The following EIF2AK4 variants were observed in gnomAD, a reference collection of about 807,000 sequenced individuals.
EIF2AK4 encodes the protein eIF-2-alpha kinase GCN2.
EIF2AK4 carries 139 observed loss-of-function variants against 211.1 expected under a neutral mutation model. The observed-to-expected ratio is 0.66, with a 90% CI of 0.57 to 0.76. EIF2AK4 has a LOEUF of 0.76. Ranked by LOEUF, EIF2AK4 falls within the 30% of genes least tolerant of loss-of-function variation. EIF2AK4 has a pLI of 0.00. For missense variants in EIF2AK4, 1,664 were observed against 2,043.8 expected (o/e 0.81, Z 3.58); for synonymous variants, 710 against 751.3 (o/e 0.94, Z 0.90).
At chr15:40,028,931 G>T (rs1039669598) in intron 33 of EIF2AK4, among the ~76,000 whole-genome samples, 8 of 152,144 alleles carry the variant, frequency 5.3e-5, no homozygotes, top group South Asian at 2.1e-4. Flanking sequence ...TCTCTCAAAG[G>T]CTATAAATTA....
intron 35 of EIF2AK4, among the ~76,000 whole-genome samples, chr15:40,031,813 C>T (rs1398805130): frequency 6.6e-6 from 1 of 151,974 alleles, no homozygotes; most frequent in African/African-American, 2.4e-5. Flanking sequence ...ACAACCTCTG[C>T]CTCCCATGTT....
intron 27 of EIF2AK4, among the ~76,000 whole-genome samples, chr15:40,016,028 C>T (rs546715474): frequency 6.6e-6 from 1 of 152,306 alleles, no homozygotes; most frequent in South Asian, 2.1e-4. Context: ...CAGGAGAAGA[C>T]ATCTCAAGGT....
At chr15:40,014,205 G>A (rs2035275655) in intron 27 of EIF2AK4, among the ~76,000 whole-genome samples, 1 of 152,338 alleles carries the variant, frequency 6.6e-6, no homozygotes, top group African/African-American at 2.4e-5. Context: ...TGGCTTTGCA[G>A]GGTACAGCCT....
intron 16 of EIF2AK4, 96 bp from the exon 17 acceptor site, chr15:39,992,079 G>A: frequency 8.8e-7 from 1 of 1,134,368 alleles, no homozygotes; most frequent in Non-Finnish European, 1.3e-6. Context: ...TGATTTCCAT[G>A]TAATATTTCC....
intron 30 of EIF2AK4, among the ~76,000 whole-genome samples, chr15:40,019,534 C>T (rs570719920): frequency 4.6e-5 from 7 of 152,306 alleles, no homozygotes; most frequent in African/African-American, 1.7e-4. Context: ...TGAGCTCCAC[C>T]TCCTGTCAGA....
intron 4 of EIF2AK4, among the ~76,000 whole-genome samples, chr15:39,950,038 T>C (rs764145450): frequency 2.0e-5 from 3 of 152,022 alleles, no homozygotes; most frequent in Non-Finnish European, 4.4e-5. Flanking sequence ...TTTTTATTTG[T>C]TTTTTCTATT....
At chr15:40,017,501 C>CTATATATATATATATATA (rs202237104) in intron 29 of EIF2AK4, among the ~76,000 whole-genome samples, 6 of 26,102 alleles carry the variant, frequency 2.3e-4, no homozygotes, top group East Asian at 9.0e-4. Flanking sequence ...TACTCTGTTT[C>CTATATATATATATATATA]TATATATATA....
chr15:39,935,503 T>A lies in EIF2AK4; in HGVS notation c.144+1164T>A, dbSNP rs566932070. 5.1e-4 allele frequency among the ~76,000 whole-genome samples: 77 copies of A among 152,286 alleles called. No individual in the cohort carries two copies. Among genetic ancestry groups the A allele is most frequent in the Non-Finnish European group, 7.1e-4 (48 of 68,026 alleles). On this transcript the variant is annotated intron_variant, in intron 1 of 38. Coordinates refer to ENST00000263791, the MANE Select transcript of EIF2AK4 (RefSeq NM_001013703.4). ...TGCCACTACACCTGGTTAATTTTTT[T>A]AATTTTTTGTAGAGACAGAGTCTTG... is the stretch of plus-strand genomic sequence containing the variant.
intron 6 of EIF2AK4, among the ~76,000 whole-genome samples, chr15:39,956,990 T>A (rs1222115158): frequency 6.6e-6 from 1 of 152,206 alleles, no homozygotes; most frequent in Non-Finnish European, 1.5e-5. Context: ...ACTAAATTTT[T>A]AAAAAAATAC....
At chr15:39,989,755 C>G (rs2034917062) in intron 15 of EIF2AK4, among the ~76,000 whole-genome samples, 1 of 152,186 alleles carries the variant, frequency 6.6e-6, no homozygotes. Context: ...AAAGCAGTCT[C>G]ATGTAACAAG....
Position 39,943,424 on chromosome 15 carries a change from A to G in EIF2AK4, c.299A>G (p.Asn100Ser). Residue 100 changes from asparagine to serine, a missense_variant, in exon 3 of 39, where the codon AAT (asparagine) becomes AGT (serine). Transcript: ENST00000263791. ...IELKNAKGLS[N>S]ESVNLLKSRL... The stretch of plus-strand genomic sequence containing the variant: ...TTAAAAAATGCCAAAGGTCTATCAA[A>G]TGAAAGTGTCAATTTGTTAAAATCT... 1.3e-6 allele frequency: 2 copies of G among 1,582,710 alleles called. No individual in the cohort carries two copies. Among genetic ancestry groups the G allele is most frequent in the Non-Finnish European group, 1.7e-6 (2 of 1,169,448 alleles).
intron 31 of EIF2AK4, chr15:40,022,131 C>T (rs757089751): frequency 3.9e-4 from 66 of 168,234 alleles, no homozygotes; most frequent in Non-Finnish European, 7.1e-4. Context: ...CTGCTTTTCA[C>T]CTTCCCTTAT....
At position 40,009,151 on chromosome 15, in the gene EIF2AK4, A is replaced by G. The variant is rs564858761; in HGVS notation, c.3577-463A>G. On this transcript the variant is annotated intron_variant, in intron 25 of 38. Coordinates refer to ENST00000263791, the MANE Select transcript of EIF2AK4 (RefSeq NM_001013703.4). Reference sequence around the variant, plus strand: ...CTGTCTCCCAGGATGGTGTGCAGTGATACTATCACAGCTCACTAGCCCCTA... The same window carrying G: ...CTGTCTCCCAGGATGGTGTGCAGTGGTACTATCACAGCTCACTAGCCCCTA... 1.1e-4 allele frequency among the ~76,000 whole-genome samples: 16 copies of G among 151,654 alleles called. No homozygotes were observed. In the East Asian group the frequency reaches 3.1e-3, roughly 30 times the overall value.
chr15:39,967,652 G>A lies in EIF2AK4; in HGVS notation c.1326G>A (p.Thr442=), dbSNP rs374152654. Residue 442 remains threonine (T), a synonymous_variant, in exon 9 of 39, where the codon ACG becomes ACA. Coordinates refer to ENST00000263791, the MANE Select transcript of EIF2AK4 (RefSeq NM_001013703.4). ...ATGCAGAAGGCACCGTCAAGATTAC[G>A]GACTATAGCATTTCTAAGCGCCTCG... ...LVDAEGTVKI[T]DYSISKRLAD... is the part of the protein sequence containing the mutation. 125 of 1,614,016 alleles carry A rather than the reference G, an allele frequency of 7.7e-5. No individual in the cohort carries two copies. The highest frequency in any genetic ancestry group is 1.6e-4 in the Middle Eastern group (1 of 6,084).
intron 6 of EIF2AK4, among the ~76,000 whole-genome samples, chr15:39,961,503 C>A (rs2034471547): frequency 6.6e-6 from 1 of 152,194 alleles, no homozygotes; most frequent in South Asian, 2.1e-4. Context: ...TTAATAGCCA[C>A]AGCATTGGGC....
At chr15:39,940,654 A>G (rs896295747) in intron 2 of EIF2AK4, among the ~76,000 whole-genome samples, 2 of 152,212 alleles carry the variant, frequency 1.3e-5, no homozygotes, top group African/African-American at 4.8e-5. Flanking sequence ...TTAAAAATTT[A>G]TGAAAGGAAA....
At chr15:39,997,203 A>T (rs1467507069) in intron 19 of EIF2AK4, 138 bp downstream of exon 19, 3 of 675,402 alleles carry the variant, frequency 4.4e-6, no homozygotes, top group Non-Finnish European at 7.8e-6. Context: ...TGACTCATTT[A>T]TTCAGATATG....
Position 39,990,361 on chromosome 15 carries a change from A to G in EIF2AK4, c.2615A>G (p.Asp872Gly). The change falls in exon 16 of 39, where the codon GAC becomes GGC. Residue 872 changes from aspartate to glycine, a missense_variant. Around this residue, in one of 7 missense-constraint regions of EIF2AK4, gnomAD observed 622 missense variants for 796.8 expected, o/e 0.78. Transcript: ENST00000263791. ...ATAGGTGATTTTGGTTTGGCGACAGACCATCTAGCCTTTTCTGTAAGTATT... is the reference window on the plus strand; with the variant it reads ...ATAGGTGATTTTGGTTTGGCGACAGGCCATCTAGCCTTTTCTGTAAGTATT... ...VKIGDFGLAT[D>G]HLAFSADSKQ... 1 of 1,614,106 alleles carries G rather than the reference A, an allele frequency of 6.2e-7. No homozygotes were observed. The highest frequency in any genetic ancestry group is 8.5e-7 in the Non-Finnish European group (1 of 1,179,940).
chr15:39,982,007 C>T (rs1490264063), intron 13 of EIF2AK4, among the ~76,000 whole-genome samples: 1 of 149,230 alleles, frequency 6.7e-6, no homozygotes, highest in Non-Finnish European at 1.5e-5. Context: ...TCACTGCAAG[C>T]TCCGCCTCCT....
Sources: allele counts gnomAD v4.1 joint callset (sites outside exome capture counted in the v4.1 genomes callset), GRCh38; gene constraint gnomAD v4.1.1; regional missense constraint gnomAD v4.1.1; transcripts MANE v1.5; gene names NCBI Gene and HGNC (gene_info 2026-07-23, HGNC 2026-07-21).